Variants in MPZL2 observed in about 807,000 individuals in gnomAD.
MPZL2 encodes myelin protein zero-like protein 2.
A neutral mutation model predicts 24.5 loss-of-function variants in MPZL2; 32 were observed. That is an observed-to-expected ratio of 1.31 (90% CI 0.99 to 1.76). The LOEUF is 1.76. Ranked by LOEUF, MPZL2 falls within the 40% of genes most tolerant of loss-of-function variation. MPZL2 has a pLI of 0.00. For missense variants in MPZL2, 304 were observed against 274.9 expected, an observed-to-expected ratio of 1.11 and a Z score of -0.75; for synonymous variants, 92 against 97.9, an observed-to-expected ratio of 0.94 and a Z score of 0.36.
In MPZL2 at chr11:118,264,176, C is replaced by A; in HGVS notation, c.-23G>T. Reference sequence around the variant, plus strand: ...CATGAGGGAAACCCAGCCTTGGCCCCAGAGACCGGACGGGGCAGACCGAGG... The same window carrying A: ...CATGAGGGAAACCCAGCCTTGGCCCAAGAGACCGGACGGGGCAGACCGAGG... On this transcript the variant is annotated 5_prime_UTR_variant, in exon 1 of 6. Coordinates refer to ENST00000278937, the MANE Select transcript of MPZL2 (RefSeq NM_005797.4). The A allele has an allele frequency of 6.2e-7, 1 of 1,613,752 alleles. No individual in the cohort carries two copies. The highest frequency in any genetic ancestry group is 1.1e-5 in the South Asian group (1 of 91,062).
chr11:118,262,671 G>T (rs941475529), intron 2 of MPZL2, 23 bp from the exon 3 acceptor site: 14 of 1,608,344 alleles, frequency 8.7e-6, no homozygotes, highest in Non-Finnish European at 1.0e-5. Context: ...AATGGCAAAA[G>T]GTCTTCTTAC....
rs780080233 is a variant in MPZL2, at chr11:118,260,085, C to T, written c.553G>A (p.Glu185Lys). Residue 185 changes from glutamate (E) to lysine (K), a missense_variant, in exon 4 of 6, where the codon GAA (glutamate) becomes AAA (lysine). Glu to Lys is a moderately conservative substitution (Grantham distance 56). Transcript: ENST00000278937. ...FQHYRKKRWA[E>K]RAHKVVEIKS... is the part of the protein sequence containing the mutation. Reference sequence around the variant, plus strand: ...ATCTCCACCACTTTATGAGCTCTTTCGGCCCATCGCTTTTTCCGGTAATGC... The same window carrying T: ...ATCTCCACCACTTTATGAGCTCTTTTGGCCCATCGCTTTTTCCGGTAATGC... The T allele has an allele frequency of 5.6e-6, 9 of 1,614,040 alleles. No individual in the cohort carries two copies. The highest frequency in any genetic ancestry group is 1.7e-4 in the Middle Eastern group (1 of 6,060).
rs764340041 is a variant in MPZL2 at position 118,264,084 on chromosome 11, G to C, written c.58+12C>G. 6.2e-7 allele frequency: 1 copy of C among 1,613,558 alleles called. No homozygotes were observed. The highest frequency in any genetic ancestry group is 1.7e-5 in the Admixed American group (1 of 59,992). ...AAGGAGGAAACTCTGAGAGAAGCCC[G>C]CCGGCTCTTACCTGTGAGCTGTATG... On this transcript the variant is annotated intron_variant, in intron 1 of 5. Coordinates refer to ENST00000278937, the MANE Select transcript of MPZL2 (RefSeq NM_005797.4).
chr11:118,262,337 C>T, intron 3 of MPZL2, 101 bp downstream of exon 3: 1 of 1,251,204 alleles, frequency 8.0e-7, no homozygotes, highest in Non-Finnish European at 1.1e-6. Context: ...CTCTATCCAT[C>T]ACAAAAGATT....
intron 1 of MPZL2, 51 bp downstream of exon 1, chr11:118,264,045 T>C (rs1453510950): frequency 3.9e-6 from 6 of 1,550,612 alleles, no homozygotes; most frequent in East Asian, 2.2e-5. Context: ...GCTAACTTTA[T>C]AGAGTGAGCA....
rs773707169 is a variant in MPZL2 at position 118,257,365 on chromosome 11, G to A, written c.585-52C>T. The A allele has an allele frequency of 1.5e-5, 22 of 1,448,072 alleles. No homozygotes were observed. The Admixed American group carries it at 3.5e-4, about 23-fold the overall frequency. The allele number at this position is 1,448,072 out of a possible 1,614,324, so 89.7% of individuals were successfully genotyped here. A position where few individuals can be genotyped will look rare whatever the true frequency, so the allele number is the denominator to read the frequency against. On this transcript the variant is annotated intron_variant, in intron 4 of 5. Coordinates refer to ENST00000278937, the MANE Select transcript of MPZL2 (RefSeq NM_005797.4). ...GGTGAACAAGACAAGAAGCAAGTGG[G>A]TAAATCCCACAGAAGCTTCAGGTAA...
chr11:118,260,286 T>C, intron 3 of MPZL2, 85 bp from the exon 4 acceptor site: 1 of 1,371,634 alleles, frequency 7.3e-7, no homozygotes, highest in Non-Finnish European at 1.0e-6. Context: ...ATGCATTTAA[T>C]CAATAGATGG....
intron 4 of MPZL2, among the ~76,000 whole-genome samples, chr11:118,258,479 G>A (rs1949677121): frequency 6.6e-6 from 1 of 152,126 alleles, no homozygotes; most frequent in Non-Finnish European, 1.5e-5. Context: ...CTGAATGTAT[G>A]CATCTCCAAA....
chr11:118,264,214 T>A lies in MPZL2; in HGVS notation c.-61A>T, dbSNP rs2134736516. 1 of 1,529,604 alleles carries A rather than the reference T, an allele frequency of 6.5e-7. No individual in the cohort carries two copies. Among genetic ancestry groups the A allele is most frequent in the East Asian group, 2.3e-5 (1 of 44,424 alleles). The allele number at this position is 1,529,604 out of a possible 1,614,324, so 94.8% of individuals were successfully genotyped here. A position where few individuals can be genotyped will look rare whatever the true frequency, so the allele number is the denominator to read the frequency against. On this transcript the variant is annotated 5_prime_UTR_variant, in exon 1 of 6. Transcript: ENST00000278937. ...GGGCAGACCGAGGGCTCCAACACCC[T>A]GCCAAGGCCACTCCGGGAGGAGCAA...
In MPZL2 at chr11:118,262,970, G is replaced by C. The variant is rs763700906; in HGVS notation, c.186C>G (p.Thr62=). 17 of 1,614,036 alleles carry C rather than the reference G, an allele frequency of 1.1e-5. No homozygotes were observed. The highest frequency in any genetic ancestry group is 1.4e-5 in the Non-Finnish European group (16 of 1,180,034). Residue 62 remains threonine, a synonymous_variant, in exon 2 of 6, where the codon ACC becomes ACG. Coordinates refer to ENST00000278937, the MANE Select transcript of MPZL2 (RefSeq NM_005797.4). ...CCCCGTCTAGAGGACGAAAATTCCA[G>C]GTCACTGTTAGAGCATCACCCACAG... The part of the protein sequence containing the change: ...FAPVGDALTV[T]WNFRPLDGGP...
At position 118,264,121 on chromosome 11, in the gene MPZL2, A is replaced by C. The variant is rs534625814; in HGVS notation, c.33T>G (p.Leu11=). The change falls in exon 1 of 6, where the codon CTT becomes CTG. Residue 11 remains leucine (L), a synonymous_variant. Coordinates refer to ENST00000278937, the MANE Select transcript of MPZL2 (RefSeq NM_005797.4). The stretch of plus-strand genomic sequence containing the variant: ...CTGTGAGCTGTATGCCAAGGAGAAG[A>C]AGCACCGCACGAGTAGAGCTCTTGC... MYGKSSTRAV[L]LLLGIQLTAL... is the part of the protein sequence containing the mutation. 1.2e-5 allele frequency: 20 copies of C among 1,614,132 alleles called. No homozygotes were observed. Among genetic ancestry groups the C allele is most frequent in the South Asian group, 9.9e-5 (9 of 91,084 alleles).
At position 118,260,171 on chromosome 11, in the gene MPZL2, A is replaced by G. The variant is rs1197925635; in HGVS notation, c.467T>C (p.Leu156Pro). ...CAGTGCACAGGCAGAGCCAATGGCC[A>G]GAGCCAGGAAGTGGATCTCAGAGAA... ...VRFSEIHFLA[L>P]AIGSACALMI... Residue 156 changes from leucine (L) to proline (P), a missense_variant, in exon 4 of 6, where the codon CTG becomes CCG. Transcript: ENST00000278937. The G allele has an allele frequency of 9.3e-6, 15 of 1,614,008 alleles. No homozygotes were observed. The highest frequency in any genetic ancestry group is 1.3e-5 in the African/African-American group (1 of 74,928).
chr11:118,262,335 A>G (rs1949705425), intron 3 of MPZL2, 103 bp downstream of exon 3: 1 of 1,222,878 alleles, frequency 8.2e-7, no homozygotes, highest in Admixed American at 1.9e-5. Flanking sequence ...CTCTCTATCC[A>G]TCACAAAAGA....
chr11:118,258,001 A>T (rs1441935059), intron 4 of MPZL2, among the ~76,000 whole-genome samples: 1 of 150,518 alleles, frequency 6.6e-6, no homozygotes, highest in Non-Finnish European at 1.5e-5. Flanking sequence ...CCAGAGTGAA[A>T]GTCTGTCTCA....
chr11:118,262,350 C>T, intron 3 of MPZL2, 88 bp downstream of exon 3: 1 of 1,337,378 alleles, frequency 7.5e-7, no homozygotes. Flanking sequence ...AAAAGATTGT[C>T]CCTCTCTCTC....
chr11:118,259,558 G>A (rs535639167), intron 4 of MPZL2: 2 of 152,762 alleles, frequency 1.3e-5, no homozygotes, highest in Admixed American at 6.5e-5. Flanking sequence ...CTTTACGGGA[G>A]GGAGCTTAAA....
intron 3 of MPZL2, 71 bp downstream of exon 3, chr11:118,262,367 A>T (rs1949705601): frequency 1.0e-5 from 15 of 1,495,758 alleles, no homozygotes; most frequent in Non-Finnish European, 1.4e-5. Context: ...TCTCAGCCTT[A>T]ACAAAGATTG....
At position 118,260,157 on chromosome 11, in the gene MPZL2, C is replaced by T. The variant is rs1395789131; in HGVS notation, c.481G>A (p.Ala161Thr). 6 of 1,614,088 alleles carry T rather than the reference C, an allele frequency of 3.7e-6. No homozygotes were observed. The South Asian group carries it at 6.6e-5, about 18-fold the overall frequency. The change falls in exon 4 of 6, where the codon GCC becomes ACC. Residue 161 changes from alanine to threonine, a missense_variant. Physicochemically the swap from Ala to Thr is moderately conservative, Grantham distance 58. Coordinates refer to ENST00000278937, the MANE Select transcript of MPZL2 (RefSeq NM_005797.4). ...ACTATTATGATCATCAGTGCACAGG[C>T]AGAGCCAATGGCCAGAGCCAGGAAG... ...IHFLALAIGS[A>T]CALMIIIVIV...
chr11:118,262,459 G>C lies in MPZL2; in HGVS notation c.415C>G (p.Arg139Gly). The C allele has an allele frequency of 6.2e-7, 1 of 1,613,958 alleles. No homozygotes were observed. The change falls in exon 3 of 6, where the codon CGG becomes GGG. Residue 139 changes from arginine to glycine, a missense_variant. Coordinates refer to ENST00000278937, the MANE Select transcript of MPZL2 (RefSeq NM_005797.4). ...PDVDGVIGEI[R>G]LSVVHTVRFS... is the part of the protein sequence containing the mutation. ...CTACCAGTGTGCACGACGCTGAGCCGGATCTCCCCTATCACCCCATCAACA... is the reference window on the plus strand; with the variant it reads ...CTACCAGTGTGCACGACGCTGAGCCCGATCTCCCCTATCACCCCATCAACA...
Sources: allele counts gnomAD v4.1 joint callset (sites outside exome capture counted in the v4.1 genomes callset), GRCh38; gene constraint gnomAD v4.1.1; transcripts MANE v1.5; gene names NCBI Gene and HGNC (gene_info 2026-07-23, HGNC 2026-07-21).